The following P2RY12 variants were observed in gnomAD, a reference collection of about 807,000 sequenced individuals.
The protein encoded by P2RY12 is purinergic receptor P2Y12.
A neutral mutation model predicts 4.5 loss-of-function variants in P2RY12; 3 were observed. The ratio of observed to expected loss-of-function variants is 0.67; its 90% CI spans 0.31 to 1.74. P2RY12 has a LOEUF of 1.74. Ranked by LOEUF, P2RY12 falls within the 40% of genes most tolerant of loss-of-function variation. The probability of loss-of-function intolerance (pLI) is 0.09; values close to 1 mark genes in which losing one functional copy is unlikely to be tolerated. For missense variants in P2RY12, 356 were observed against 407.8 expected, an observed-to-expected ratio of 0.87 and a Z score of 1.09; for synonymous variants, 148 against 154.1, an observed-to-expected ratio of 0.96 and a Z score of 0.29.
intron 1 of P2RY12, among the ~76,000 whole-genome samples, chr3:151,357,978 C>T (rs941824411): frequency 3.9e-5 from 6 of 152,156 alleles, no homozygotes; most frequent in Non-Finnish European, 7.4e-5. Context: ...CAAAAACTTA[C>T]ATAAGCTGCT....
chr3:151,345,216 G>C (rs1196856210), intron 1 of P2RY12, among the ~76,000 whole-genome samples: 1 of 152,166 alleles, frequency 6.6e-6, no homozygotes, highest in Non-Finnish European at 1.5e-5. Context: ...ATAGCAGCAG[G>C]TGGACTAGGA....
At chr3:151,363,681 G>A (rs1754905571) in intron 1 of P2RY12, among the ~76,000 whole-genome samples, 1 of 152,110 alleles carries the variant, frequency 6.6e-6, no homozygotes, top group Admixed American at 6.6e-5. Context: ...CCATTTAGTA[G>A]ATGACTTTAG....
intron 1 of P2RY12, chr3:151,369,365 C>A: frequency 1.9e-6 from 2 of 1,051,822 alleles, no homozygotes; most frequent in Non-Finnish European, 2.8e-6. Flanking sequence ...GAAAGGCTGA[C>A]TGCCTGTAAA....
rs986507910 is a variant in P2RY12, at chr3:151,383,824, A to G, written c.-180+868T>C. 5 of 1,614,050 alleles carry G rather than the reference A, an allele frequency of 3.1e-6. No homozygotes were observed. The South Asian group carries it at 3.3e-5, about 11-fold the overall frequency. On this transcript the variant is annotated intron_variant, in intron 1 of 2. Coordinates refer to ENST00000302632, the MANE Select transcript of P2RY12 (RefSeq NM_022788.5). ...GGTGCAGAGGAGCACCCAGTGGACTACAGACTGGGCCCTGCTACTCCTTCA... is the reference window on the plus strand; with the variant it reads ...GGTGCAGAGGAGCACCCAGTGGACTGCAGACTGGGCCCTGCTACTCCTTCA...
At chr3:151,352,128 A>G (rs1378100518) in intron 1 of P2RY12, among the ~76,000 whole-genome samples, 2 of 152,216 alleles carry the variant, frequency 1.3e-5, no homozygotes, top group Admixed American at 6.5e-5. Flanking sequence ...TACACTTTAT[A>G]TACATACCCT....
At chr3:151,357,534 T>C (rs946515717) in intron 1 of P2RY12, among the ~76,000 whole-genome samples, 8 of 152,166 alleles carry the variant, frequency 5.3e-5, no homozygotes, top group African/African-American at 1.9e-4. Flanking sequence ...ATCAAAAAGG[T>C]CTAAGCATGT....
At chr3:151,383,688 T>TA (rs908284744) in intron 1 of P2RY12, 9 of 778,112 alleles carry the variant, frequency 1.2e-5, no homozygotes, top group South Asian at 5.6e-5. Flanking sequence ...TTTTTTTAAA[T>TA]AAAAAACAAT....
intron 1 of P2RY12, among the ~76,000 whole-genome samples, chr3:151,346,934 G>A (rs1367475637): frequency 6.6e-6 from 1 of 151,998 alleles, no homozygotes; most frequent in Admixed American, 6.6e-5. Flanking sequence ...TTTATACATT[G>A]TAAATAGATT....
At chr3:151,383,817 G>A in intron 1 of P2RY12, 1 of 1,614,044 alleles carries the variant, frequency 6.2e-7, no homozygotes, top group Non-Finnish European at 8.5e-7. Flanking sequence ...GGAGCACCCA[G>A]TGGACTACAG....
chr3:151,368,225 A>G (rs1755528412), intron 1 of P2RY12: 1 of 1,614,030 alleles, frequency 6.2e-7, no homozygotes, highest in African/African-American at 1.3e-5. Flanking sequence ...CGAGCTCCCC[A>G]GGCCTGCTTC....
In P2RY12 at chr3:151,357,493, G is replaced by T. The variant is rs140475650; in HGVS notation, c.-179-16733C>A. 6.4e-5 allele frequency: 57 copies of T among 884,024 alleles called. 3 individuals are homozygous for T. Among genetic ancestry groups the T allele is most frequent in the Admixed American group, 4.7e-4 (15 of 31,654 alleles). 54.8% of individuals were successfully genotyped at this position (884,024 alleles called of 1,614,324 possible). ...CTGATACCTGTTTTAGTTAAAACAT[G>T]GTTAAAGAACACTCTTGCCAGAAAA... On this transcript the variant is annotated intron_variant, in intron 1 of 2. Coordinates refer to ENST00000302632, the MANE Select transcript of P2RY12 (RefSeq NM_022788.5).
chr3:151,363,579 T>C (rs1754891350), intron 1 of P2RY12, among the ~76,000 whole-genome samples: 1 of 152,180 alleles, frequency 6.6e-6, no homozygotes, highest in African/African-American at 2.4e-5. Flanking sequence ...TGACTCTGAA[T>C]TGCAAACTTG....
In P2RY12 at chr3:151,344,708, C is replaced by A. The variant is rs529284461; in HGVS notation, c.-179-3948G>T. ...TGTCTTATCAGAAGGACAATTACAT[C>A]CACTTCATCTGTTTTTATTAGTGTT... On this transcript the variant is annotated intron_variant, in intron 1 of 2. Coordinates refer to ENST00000302632, the MANE Select transcript of P2RY12 (RefSeq NM_022788.5). Among the ~76,000 whole-genome samples the A allele has an allele frequency of 2.6e-5, 4 of 152,252 alleles. No homozygotes were observed. In the South Asian group the frequency reaches 8.3e-4, roughly 32 times the overall value.
intron 1 of P2RY12, chr3:151,380,267 A>G: frequency 7.7e-7 from 1 of 1,306,834 alleles, no homozygotes; most frequent in South Asian, 1.3e-5. Flanking sequence ...TATCTTTCTA[A>G]CGGCATTCAT....
At chr3:151,365,812 T>C in intron 1 of P2RY12, 1 of 1,550,894 alleles carries the variant, frequency 6.4e-7, no homozygotes, top group Non-Finnish European at 8.7e-7. Context: ...TTCTCTTTTG[T>C]ACAAGGTTAC....
rs910535314 is a variant in P2RY12 at position 151,357,085 on chromosome 3, A to T, written c.-179-16325T>A. The T allele has an allele frequency of 6.2e-5, 53 of 848,378 alleles. No individual in the cohort carries two copies. In the Admixed American group the frequency reaches 1.3e-3, roughly 20 times the overall value. 52.6% of individuals were successfully genotyped at this position (848,378 alleles called of 1,614,324 possible). A position where few individuals can be genotyped will look rare whatever the true frequency, so the allele number is the denominator to read the frequency against. ...AAATTGGAAAAGGATTAAAAATTTT[A>T]AAAAAGTTAAATTTAGGGAATGTAT... On this transcript the variant is annotated intron_variant, in intron 1 of 2. Coordinates refer to ENST00000302632, the MANE Select transcript of P2RY12 (RefSeq NM_022788.5).
chr3:151,365,241 A>G (rs1178391365), intron 1 of P2RY12: 1 of 1,555,002 alleles, frequency 6.4e-7, no homozygotes. Flanking sequence ...ATGATTAACC[A>G]AAGAGTTGTT....
intron 1 of P2RY12, chr3:151,376,170 G>A (rs878982061): frequency 1.1e-5 from 17 of 1,605,634 alleles, no homozygotes; most frequent in Middle Eastern, 1.7e-4. Context: ...AGAATGTACC[G>A]AGGGGGACAA....
At chr3:151,348,948 C>T (rs2150011872) in intron 1 of P2RY12, among the ~76,000 whole-genome samples, 1 of 152,306 alleles carries the variant, frequency 6.6e-6, no homozygotes, top group East Asian at 1.9e-4. Flanking sequence ...TTTGTTTTCT[C>T]TGTGAGGAAT....
Sources: allele counts gnomAD v4.1 joint callset (sites outside exome capture counted in the v4.1 genomes callset), GRCh38; gene constraint gnomAD v4.1.1; transcripts MANE v1.5; gene names NCBI Gene and HGNC (gene_info 2026-07-23, HGNC 2026-07-21).